The following ARAP1 variants were observed in gnomAD, a reference collection of about 807,000 sequenced individuals.
ARAP1 encodes ArfGAP with RhoGAP domain, ankyrin repeat and PH domain 1, also known as arf-GAP with Rho-GAP domain, ANK repeat and PH domain-containing protein 1.
ARAP1 carries 76 observed loss-of-function variants against 172.2 expected under a neutral mutation model. The observed-to-expected ratio is 0.44, with a 90% confidence interval of 0.37 to 0.53. The LOEUF is 0.53. ARAP1 is among the 20% of genes least tolerant of loss of function. The pLI, the probability that ARAP1 is intolerant of heterozygous loss-of-function variation, is 0.00. For missense variants in ARAP1, 1,686 were observed against 1,977.5 expected (o/e 0.85, Z 2.80); for synonymous variants, 804 against 803.3 (o/e 1.00, Z -0.01).
Position 72,696,993 on chromosome 11 carries a change from C to A in ARAP1, c.3156G>T (p.Leu1052=). 6.2e-7 allele frequency: 1 copy of A among 1,605,594 alleles called. No homozygotes were observed. ...LFTRAQRLTW[L]EASEIEDEEE... ...GGCTGCAGGGCCCACCTGAGGCCTC[C>A]AGCCAGGTTAGGCGCTGGGCGCGAG... Residue 1052 remains leucine, a synonymous_variant, in exon 22 of 35, where the codon CTG becomes CTT. Coordinates refer to ENST00000393609, the MANE Select transcript of ARAP1 (RefSeq NM_001040118.3).
chr11:72,695,306 C>A lies in ARAP1; in HGVS notation c.3576+81G>T. ...ACTGGTCCTCTCCTCGGGGTAGAAG[C>A]ACTGCTCCCCTGGCCATCTGAGCCT... On this transcript the variant is annotated intron_variant, in intron 26 of 34. Coordinates refer to ENST00000393609, the MANE Select transcript of ARAP1 (RefSeq NM_001040118.3). The surrounding 1 kb of genome is among the most constrained non-coding windows in gnomAD (Gnocchi z 4.4). 10 of 1,577,844 alleles carry A rather than the reference C, an allele frequency of 6.3e-6. No individual in the cohort carries two copies. The highest frequency in any genetic ancestry group is 7.0e-6 in the Non-Finnish European group (8 of 1,149,688).
chr11:72,692,343 C>T (rs11235566), intron 30 of ARAP1, among the ~76,000 whole-genome samples: 78,262 of 151,934 alleles, frequency 0.52, 20,302 homozygotes, highest in Non-Finnish European at 0.55. Context: ...CGTCCCACCC[C>T]GGCATGTTAG....
intron 18 of ARAP1, 119 bp from the exon 19 acceptor site, chr11:72,698,225 C>T: frequency 8.1e-7 from 1 of 1,237,794 alleles, no homozygotes; most frequent in Non-Finnish European, 1.1e-6. Context: ...CTCTTCTCTT[C>T]CCCAAGGCAG....
At chr11:72,751,973 C>T (rs982901537) in intron 1 of ARAP1, among the ~76,000 whole-genome samples, 5 of 152,212 alleles carry the variant, frequency 3.3e-5, no homozygotes, top group African/African-American at 7.2e-5. Context: ...TAGGGTCGTA[C>T]AGATCTCCAG....
At chr11:72,704,537 T>C in intron 13 of ARAP1, 2 of 578,666 alleles carry the variant, frequency 3.5e-6, no homozygotes, top group Non-Finnish European at 3.0e-6. Context: ...TGAGCCTAGG[T>C]CTCAGGCTCA....
chr11:72,749,033 G>T (rs1858456433), intron 1 of ARAP1, among the ~76,000 whole-genome samples: 1 of 152,162 alleles, frequency 6.6e-6, no homozygotes, highest in African/African-American at 2.4e-5. Flanking sequence ...GCTGTGGAGG[G>T]TGCTGACTCT....
chr11:72,712,276 G>A lies in ARAP1; in HGVS notation c.942C>T (p.Pro314=), dbSNP rs1294855023. The part of the protein sequence containing the change: ...SLPSTIAAPH[P]MDGPPGGSTP... ...TGGAGCCCCCAGGCGGCCCGTCCAT[G>A]GGGTGTGGCGCAGCTATTGTGCTGG... Residue 314 remains proline (P), a synonymous_variant, in exon 7 of 35, where the codon CCC becomes CCT. Coordinates refer to ENST00000393609, the MANE Select transcript of ARAP1 (RefSeq NM_001040118.3). The A allele has an allele frequency of 1.3e-6, 2 of 1,599,370 alleles. No homozygotes were observed. Among genetic ancestry groups the A allele is most frequent in the Admixed American group, 3.4e-5 (2 of 58,120 alleles).
At chr11:72,685,900 T>C (rs1018982698) in intron 34 of ARAP1, 142 bp downstream of exon 34, 1 of 1,494,508 alleles carries the variant, frequency 6.7e-7, no homozygotes, top group Non-Finnish European at 9.3e-7. Flanking sequence ...AAGAGGCCTA[T>C]GAGGGCCCCC....
chr11:72,695,994 GT>G lies in ARAP1; in HGVS notation c.3273-130del. The G allele has an allele frequency of 1.7e-6, 2 of 1,204,810 alleles. No homozygotes were observed. Among genetic ancestry groups the G allele is most frequent in the Non-Finnish European group, 2.2e-6 (2 of 889,534 alleles). 74.6% of individuals were successfully genotyped at this position (1,204,810 alleles called of 1,614,324 possible). On this transcript the variant is annotated intron_variant, in intron 23 of 34. Coordinates refer to ENST00000393609, the MANE Select transcript of ARAP1 (RefSeq NM_001040118.3). The surrounding 1 kb of genome is among the most constrained non-coding windows in gnomAD (Gnocchi z 4.4). ...ACCACTGTTTAACAGGGTAGGAACA[GT>G]TTTTCTGGCCATATCTTGGGTCCTG...
At position 72,710,105 on chromosome 11, in the gene ARAP1, G is replaced by A. The variant is rs1856945256; in HGVS notation, c.1417-129C>T. The A allele has an allele frequency of 1.2e-6, 1 of 864,924 alleles. No individual in the cohort carries two copies. Among genetic ancestry groups the A allele is most frequent in the Admixed American group, 2.0e-5 (1 of 50,720 alleles). The allele number at this position is 864,924 out of a possible 1,614,324, so 53.6% of individuals were successfully genotyped here. ...GGGTGCCCAGGAGGGAGACAGCAGG[G>A]GACATGGGAGGCTGGGCAGGGTAAG... On this transcript the variant is annotated intron_variant, in intron 10 of 34. Coordinates refer to ENST00000393609, the MANE Select transcript of ARAP1 (RefSeq NM_001040118.3). The surrounding 1 kb of genome is among the most constrained non-coding windows in gnomAD (Gnocchi z 4.3).
intron 30 of ARAP1, among the ~76,000 whole-genome samples, chr11:72,690,057 A>G (rs1855874794): frequency 6.6e-6 from 1 of 152,192 alleles, no homozygotes; most frequent in Non-Finnish European, 1.5e-5. Flanking sequence ...GGTTCTGGGT[A>G]TGAGGAAGGA....
chr11:72,728,580 C>CAAAACA (rs893479745), intron 2 of ARAP1, among the ~76,000 whole-genome samples: 13 of 152,018 alleles, frequency 8.6e-5, no homozygotes, highest in African/African-American at 1.9e-4. Context: ...GGCTCCGTCT[C>CAAAACA]AAAACAAAAA....
Position 72,710,881 on chromosome 11 carries a change from C to A in ARAP1, c.1213+140G>T, listed in dbSNP as rs1267642705. 1 of 1,511,108 alleles carries A rather than the reference C, an allele frequency of 6.6e-7. No homozygotes were observed. Among genetic ancestry groups the A allele is most frequent in the Non-Finnish European group, 9.0e-7 (1 of 1,113,316 alleles). 93.6% of individuals were successfully genotyped at this position (1,511,108 alleles called of 1,614,324 possible). A position where few individuals can be genotyped will look rare whatever the true frequency, so the allele number is the denominator to read the frequency against. On this transcript the variant is annotated intron_variant, in intron 9 of 34. Coordinates refer to ENST00000393609, the MANE Select transcript of ARAP1 (RefSeq NM_001040118.3). This position sits in a 1 kb window ranked among gnomAD's most constrained non-coding sequence, Gnocchi z 4.3. ...ACAGAGGGTGCCCCCTTCCTCTGCCCACCTCACAAAGGCAGCATGCCTCCC... is the reference window on the plus strand; with the variant it reads ...ACAGAGGGTGCCCCCTTCCTCTGCCAACCTCACAAAGGCAGCATGCCTCCC...
chr11:72,730,996 C>G (rs112160488), intron 2 of ARAP1, among the ~76,000 whole-genome samples: 9 of 152,118 alleles, frequency 5.9e-5, no homozygotes, highest in African/African-American at 2.2e-4. Context: ...AAGTGCAGAA[C>G]AGTTTGTGTA....
chr11:72,749,866 G>A (rs1267897539), intron 1 of ARAP1, among the ~76,000 whole-genome samples: 3 of 146,372 alleles, frequency 2.0e-5, no homozygotes, highest in South Asian at 4.5e-4. Flanking sequence ...GCAAGACTCC[G>A]TCTCAAAAAA....
chr11:72,690,343 A>G (rs1215133302), intron 30 of ARAP1, among the ~76,000 whole-genome samples: 1 of 152,146 alleles, frequency 6.6e-6, no homozygotes, highest in African/African-American at 2.4e-5. Context: ...TGTGTGATGT[A>G]AGGGTGGCTG....
Position 72,712,418 on chromosome 11 carries a change from G to A in ARAP1, c.878+20C>T. On this transcript the variant is annotated intron_variant, in intron 6 of 34. Transcript: ENST00000393609. ...GGCTGAGGTTGGGCTCAGTGGGAAG[G>A]AGGGTGGCCGGACACTCACTTGGGG... 6.4e-7 allele frequency: 1 copy of A among 1,556,130 alleles called. No homozygotes were observed. Among genetic ancestry groups the A allele is most frequent in the Non-Finnish European group, 8.7e-7 (1 of 1,144,610 alleles).
Position 72,686,092 on chromosome 11 carries a change from C to T in ARAP1, c.4285G>A (p.Glu1429Lys), listed in dbSNP as rs760940748. ...SVSLIPLRGS[E>K]NEMRRSVAAF... Reference sequence around the variant, plus strand: ...GCCACACTCCGGCGCATTTCATTTTCACTACCTCGAAGGGGGATCAGTGAC... The same window carrying T: ...GCCACACTCCGGCGCATTTCATTTTTACTACCTCGAAGGGGGATCAGTGAC... The change falls in exon 34 of 35, where the codon GAA (glutamate) becomes AAA (lysine). Residue 1429 changes from glutamate (E) to lysine (K), a missense_variant. By Grantham distance (56) the Glu-to-Lys change is moderately conservative. Coordinates refer to ENST00000393609, the MANE Select transcript of ARAP1 (RefSeq NM_001040118.3). The T allele has an allele frequency of 1.2e-6, 2 of 1,614,112 alleles. No homozygotes were observed. Among genetic ancestry groups the T allele is most frequent in the Non-Finnish European group, 1.7e-6 (2 of 1,180,032 alleles).
chr11:72,746,910 A>G (rs1420234405), intron 1 of ARAP1, among the ~76,000 whole-genome samples: 1 of 152,232 alleles, frequency 6.6e-6, no homozygotes. Flanking sequence ...CCCCTGCCCT[A>G]TGCATTATGG....
Sources: allele counts gnomAD v4.1 joint callset (sites outside exome capture counted in the v4.1 genomes callset), GRCh38; gene constraint gnomAD v4.1.1; non-coding constraint Gnocchi (gnomAD v3.1); transcripts MANE v1.5; gene names NCBI Gene and HGNC (gene_info 2026-07-23, HGNC 2026-07-21).